USP53: variants seen among roughly 807,000 people sequenced by gnomAD.
The protein encoded by USP53 is ubiquitin carboxyl-terminal hydrolase 53.
Under a neutral mutation model 94.9 loss-of-function variants are expected in USP53, and 71 were observed. The ratio of observed to expected loss-of-function variants is 0.75; its 90% CI spans 0.62 to 0.91. USP53 has a LOEUF of 0.91. Among genes scored for constraint, USP53 ranks in the 40% least tolerant of loss-of-function variants. The pLI is 0.00. For missense variants in USP53, 1,173 were observed against 1,281.0 expected (o/e 0.92, Z 1.29); for synonymous variants, 375 against 422.7 (o/e 0.89, Z 1.39).
At chr4:119,278,802 T>C (rs201812730) in intron 17 of USP53, among the ~76,000 whole-genome samples, 1,976 of 58,804 alleles carry the variant, frequency 0.034, 41 homozygotes, top group Middle Eastern at 0.081. Flanking sequence ...GCTCATTTCT[T>C]TTTATTCTTT....
rs531902756 is a variant in USP53 at position 119,222,357 on chromosome 4, CTGT to C, written c.-665+4686_-665+4688del. ...TTATTTTGAAATATACAATACATTACTGTTTAGTCACTGTGTTGTGCTACTGAA... is the reference window on the plus strand; with the variant it reads ...TTATTTTGAAATATACAATACATTACTTAGTCACTGTGTTGTGCTACTGAA... On this transcript the variant is annotated intron_variant, in intron 3 of 18. Transcript: ENST00000692078. Among the ~76,000 whole-genome samples the C allele has an allele frequency of 3.1e-4, 47 of 152,290 alleles. No homozygotes were observed. The East Asian group carries it at 7.3e-3, about 24-fold the overall frequency.
At chr4:119,261,204 A>G (rs1464715820) in intron 11 of USP53, among the ~76,000 whole-genome samples, 2 of 151,918 alleles carry the variant, frequency 1.3e-5, no homozygotes, top group African/African-American at 4.8e-5. Flanking sequence ...AAGTAGATCC[A>G]CCTGCCTTGG....
At chr4:119,262,904 C>G (rs1298941374) in intron 12 of USP53, among the ~76,000 whole-genome samples, 3 of 152,148 alleles carry the variant, frequency 2.0e-5, no homozygotes, top group African/African-American at 7.2e-5. Flanking sequence ...AGCCAGGTAT[C>G]TGAAATTTTA....
chr4:119,222,335 T>C (rs1431057378), intron 3 of USP53, among the ~76,000 whole-genome samples: 1 of 152,220 alleles, frequency 6.6e-6, no homozygotes, highest in Non-Finnish European at 1.5e-5. Flanking sequence ...CTTGTAGTTA[T>C]TTTGAAATAT....
In USP53 at chr4:119,256,512, A is replaced by T. The variant is rs373719643; in HGVS notation, c.558A>T (p.Thr186=). 1 of 1,614,034 alleles carries T rather than the reference A, an allele frequency of 6.2e-7. No homozygotes were observed. Among genetic ancestry groups the T allele is most frequent in the Non-Finnish European group, 8.5e-7 (1 of 1,180,004 alleles). Residue 186 remains threonine (T), a synonymous_variant, in exon 9 of 19, where the codon ACA becomes ACT. Coordinates refer to ENST00000692078, the MANE Select transcript of USP53 (RefSeq NM_001371395.1). ...CAGAATTTGTGCGGTACATTTCTACAACAGCCTTATGGTAAGAACCTATTA... is the reference window on the plus strand; with the variant it reads ...CAGAATTTGTGCGGTACATTTCTACTACAGCCTTATGGTAAGAACCTATTA... ...PFTEFVRYIS[T]TALCNEVERM...
At chr4:119,229,876 T>C (rs926168418) in intron 3 of USP53, among the ~76,000 whole-genome samples, 5 of 152,214 alleles carry the variant, frequency 3.3e-5, no homozygotes, top group African/African-American at 1.2e-4. Flanking sequence ...AAATTTCTTA[T>C]GTGACCTTCA....
At position 119,259,633 on chromosome 4, in the gene USP53, A is replaced by G. The variant is rs539461942; in HGVS notation, c.570-187A>G. ...TTCTTTATTTGAGCTAATTTTTTTC[A>G]TTATATACTTGCCAAATTTAATAAT... is the stretch of plus-strand genomic sequence containing the variant. On this transcript the variant is annotated intron_variant, in intron 9 of 18. Coordinates refer to ENST00000692078, the MANE Select transcript of USP53 (RefSeq NM_001371395.1). Among the ~76,000 whole-genome samples, 197 of 152,226 alleles carry G rather than the reference A, an allele frequency of 1.3e-3. 1 individual carries two copies. The highest frequency in any genetic ancestry group is 4.6e-3 in the African/African-American group (190 of 41,544).
chr4:119,282,739 C>T (rs1753645671), intron 17 of USP53, among the ~76,000 whole-genome samples: 1 of 151,904 alleles, frequency 6.6e-6, no homozygotes, highest in Non-Finnish European at 1.5e-5. Flanking sequence ...AAATTAAAAA[C>T]TTGCTGTGCA....
At chr4:119,234,223 A>G (rs1046280957) in intron 3 of USP53, among the ~76,000 whole-genome samples, 29 of 152,152 alleles carry the variant, frequency 1.9e-4, no homozygotes, top group Non-Finnish European at 4.1e-4. Flanking sequence ...AGAGCAATGT[A>G]AGGACTGGAA....
chr4:119,280,179 G>A (rs1350964280), intron 17 of USP53, among the ~76,000 whole-genome samples: 1 of 151,734 alleles, frequency 6.6e-6, no homozygotes, highest in East Asian at 1.9e-4. Context: ...ATTAAAGATA[G>A]CATTAGATTG....
At chr4:119,238,795 A>T (rs971701974) in intron 4 of USP53, among the ~76,000 whole-genome samples, 3 of 152,210 alleles carry the variant, frequency 2.0e-5, no homozygotes, top group Non-Finnish European at 4.4e-5. Context: ...ATTCACCAAG[A>T]TTTATTTATG....
chr4:119,259,762 T>C lies in USP53; in HGVS notation c.570-58T>C, dbSNP rs917314200. Reference sequence around the variant, plus strand: ...CTAAACTGACAATATTTTTCATGTGTAATTTATTAAAGTTTTAAGTTCATA... The same window carrying C: ...CTAAACTGACAATATTTTTCATGTGCAATTTATTAAAGTTTTAAGTTCATA... On this transcript the variant is annotated intron_variant, in intron 9 of 18. Transcript: ENST00000692078. 10 of 1,339,628 alleles carry C rather than the reference T, an allele frequency of 7.5e-6. No individual in the cohort carries two copies. The African/African-American group carries it at 1.3e-4, about 18-fold the overall frequency. 83.0% of individuals were successfully genotyped at this position (1,339,628 alleles called of 1,614,324 possible).
intron 3 of USP53, among the ~76,000 whole-genome samples, chr4:119,228,859 T>C (rs543837411): frequency 6.6e-6 from 1 of 152,140 alleles, no homozygotes; most frequent in Non-Finnish European, 1.5e-5. Context: ...TTAATTTGGA[T>C]CTTACTGAAC....
At position 119,243,120 on chromosome 4, in the gene USP53, G is replaced by A. The variant is rs375426426; in HGVS notation, c.145-2217G>A. Among the ~76,000 whole-genome samples, 5 of 152,174 alleles carry A rather than the reference G, an allele frequency of 3.3e-5. No homozygotes were observed. In the East Asian group the frequency reaches 5.8e-4, roughly 18 times the overall value. On this transcript the variant is annotated intron_variant, in intron 5 of 18. Coordinates refer to ENST00000692078, the MANE Select transcript of USP53 (RefSeq NM_001371395.1). ...TGCTACATGCAAATAACGAAAAAGT[G>A]TATATTGCTAGAAACTAATTAGTTC...
rs753335348 is a variant in USP53 at position 119,293,189 on chromosome 4, T to C, written c.3200T>C (p.Phe1067Ser). 1 of 1,602,136 alleles carries C rather than the reference T, an allele frequency of 6.2e-7. No individual in the cohort carries two copies. The highest frequency in any genetic ancestry group is 1.1e-5 in the South Asian group (1 of 89,732). ...PKLSFPESSG[F>S]CNNSLS ...CTCTCTTTTCCAGAGAGCAGTGGCT[T>C]TTGTAATAATTCACTATCTTAGAGT... is the stretch of plus-strand genomic sequence containing the variant. The change falls in exon 19 of 19, where the codon TTT becomes TCT. Residue 1067 changes from phenylalanine to serine, a missense_variant. Phe to Ser is a radical substitution (Grantham distance 155, BLOSUM62 -2). Coordinates refer to ENST00000692078, the MANE Select transcript of USP53 (RefSeq NM_001371395.1).
intron 16 of USP53, chr4:119,273,425 A>G (rs1388822622): frequency 4.8e-6 from 2 of 420,482 alleles, no homozygotes; most frequent in East Asian, 7.3e-5. Flanking sequence ...CTTAGATTTT[A>G]ATTATTGGGC....
Position 119,264,561 on chromosome 4 carries a change from A to G in USP53, c.972+2697A>G, listed in dbSNP as rs183251723. On this transcript the variant is annotated intron_variant, in intron 12 of 18. Coordinates refer to ENST00000692078, the MANE Select transcript of USP53 (RefSeq NM_001371395.1). Reference sequence around the variant, plus strand: ...GTTGACAGTTCACCAATGAATATACATGAATGGCCCTTGAAATGATATTCA... The same window carrying G: ...GTTGACAGTTCACCAATGAATATACGTGAATGGCCCTTGAAATGATATTCA... Among the ~76,000 whole-genome samples, 170 of 152,348 alleles carry G rather than the reference A, an allele frequency of 1.1e-3. 1 individual carries two copies. Among genetic ancestry groups the G allele is most frequent in the Non-Finnish European group, 4.7e-4 (32 of 68,022 alleles).
At chr4:119,240,119 A>G (rs1747319382) in intron 5 of USP53, among the ~76,000 whole-genome samples, 1 of 152,124 alleles carries the variant, frequency 6.6e-6, no homozygotes, top group Admixed American at 6.6e-5. Context: ...TATCACTATG[A>G]TATAAATAAT....
intron 17 of USP53, among the ~76,000 whole-genome samples, chr4:119,281,792 TA>T (rs2149460047): frequency 6.6e-6 from 1 of 152,298 alleles, no homozygotes; most frequent in African/African-American, 2.4e-5. Context: ...GTGATGCACT[TA>T]AAAATGCTTT....
Sources: allele counts gnomAD v4.1 joint callset (sites outside exome capture counted in the v4.1 genomes callset), GRCh38; gene constraint gnomAD v4.1.1; transcripts MANE v1.5; gene names NCBI Gene and HGNC (gene_info 2026-07-23, HGNC 2026-07-21).